CARF: variants seen among roughly 807,000 people sequenced by gnomAD.
CARF encodes calcium responsive transcription factor.
A neutral mutation model predicts 82.0 loss-of-function variants in CARF; 57 were observed. That is an observed-to-expected ratio of 0.70 (90% CI 0.56 to 0.87). The LOEUF (loss-of-function observed/expected upper bound fraction) is 0.87. Among genes scored for constraint, CARF ranks in the 40% least tolerant of loss-of-function variants. The pLI, the probability that CARF is intolerant of heterozygous loss-of-function variation, is 0.00. For missense variants in CARF, 771 were observed against 855.8 expected (o/e 0.90, Z 1.24); for synonymous variants, 268 against 290.1 (o/e 0.92, Z 0.77).
intron 2 of CARF, among the ~76,000 whole-genome samples, chr2:202,919,587 T>C (rs1690400129): frequency 6.6e-6 from 1 of 152,206 alleles, no homozygotes; most frequent in South Asian, 2.1e-4. Context: ...TTTTGTATGT[T>C]ACGGTACTGC....
chr2:202,926,571 T>G (rs746975025), intron 3 of CARF, among the ~76,000 whole-genome samples: 1 of 152,222 alleles, frequency 6.6e-6, no homozygotes, highest in African/African-American at 2.4e-5. Context: ...CCAAAGTTGT[T>G]TTGGCTGTTC....
intron 8 of CARF, among the ~76,000 whole-genome samples, chr2:202,957,980 G>A (rs190519315): frequency 4.6e-5 from 7 of 152,016 alleles, no homozygotes; most frequent in Admixed American, 2.6e-4. Context: ...ATTTACTAGC[G>A]TGGGTTGTTC....
At chr2:202,963,436 A>G (rs2059408057) in intron 9 of CARF, among the ~76,000 whole-genome samples, 1 of 152,138 alleles carries the variant, frequency 6.6e-6, no homozygotes, top group South Asian at 2.1e-4. Context: ...TGGTAACATT[A>G]TGGAATACTC....
In CARF at chr2:202,974,414, A is replaced by T; in HGVS notation, c.1412A>T (p.Asp471Val). 1 of 1,611,618 alleles carries T rather than the reference A, an allele frequency of 6.2e-7. No individual in the cohort carries two copies. The highest frequency in any genetic ancestry group is 8.5e-7 in the Non-Finnish European group (1 of 1,179,238). ...HNLSFFPTVN[D>V]IKNHIHEVQK... ...TTATCTTTTTTTCCAACTGTAAATGATATAAAAAATCACATCCATGAGGTA... is the reference window on the plus strand; with the variant it reads ...TTATCTTTTTTTCCAACTGTAAATGTTATAAAAAATCACATCCATGAGGTA... Residue 471 changes from aspartate to valine, a missense_variant, in exon 13 of 17, where the codon GAT becomes GTT. By Grantham distance (152) the Asp-to-Val change is radical. Transcript: ENST00000438828.
intron 10 of CARF, among the ~76,000 whole-genome samples, chr2:202,968,246 C>T (rs552063080): frequency 6.6e-6 from 1 of 151,958 alleles, no homozygotes; most frequent in East Asian, 1.9e-4. Context: ...ACTAAAAATA[C>T]AAAAAATTAG....
chr2:202,974,307 C>G, intron 12 of CARF, 27 bp from the exon 13 acceptor site: 1 of 1,541,420 alleles, frequency 6.5e-7, no homozygotes, highest in Non-Finnish European at 8.7e-7. Flanking sequence ...TGGTTTATGT[C>G]TTTATTCCAT....
chr2:202,941,936 C>T lies in CARF; in HGVS notation c.34C>T (p.His12Tyr), dbSNP rs577882043. The T allele has an allele frequency of 6.2e-7, 1 of 1,613,302 alleles. No homozygotes were observed. The highest frequency in any genetic ancestry group is 8.5e-7 in the Non-Finnish European group (1 of 1,179,654). Residue 12 changes from histidine (H) to tyrosine (Y), a missense_variant, in exon 4 of 17, where the codon CAT (histidine) becomes TAT (tyrosine). Coordinates refer to ENST00000438828, the MANE Select transcript of CARF (RefSeq NM_024744.17). Reference sequence around the variant, plus strand: ...ATCTAATGATTCATTAAGAGTCAACCATAATGACGGTGAAGAGTCAAAAAC... The same window carrying T: ...ATCTAATGATTCATTAAGAGTCAACTATAATGACGGTGAAGAGTCAAAAAC... ...EQSNDSLRVN[H>Y]NDGEESKTSA...
At chr2:202,964,883 G>GTGTA (rs372793121) in intron 9 of CARF, among the ~76,000 whole-genome samples, 67 of 144,950 alleles carry the variant, frequency 4.6e-4, no homozygotes, top group East Asian at 8.0e-4. Flanking sequence ...ACATATATGT[G>GTGTA]TATATATATA....
At chr2:202,972,726 C>A (rs923685143) in intron 12 of CARF, among the ~76,000 whole-genome samples, 1 of 147,004 alleles carries the variant, frequency 6.8e-6, no homozygotes, top group Non-Finnish European at 1.5e-5. Context: ...TTAGGCCTAA[C>A]GCTATATAGC....
At chr2:202,917,820 ATAAT>A (rs1690022831) in intron 1 of CARF, 53 bp from the exon 2 acceptor site, 1 of 213,584 alleles carries the variant, frequency 4.7e-6, no homozygotes, top group Admixed American at 5.9e-5. Flanking sequence ...ACAAAAAGTA[ATAAT>A]TATCTTTATG....
intron 8 of CARF, among the ~76,000 whole-genome samples, chr2:202,960,078 G>A (rs2059238170): frequency 6.6e-6 from 1 of 152,164 alleles, no homozygotes; most frequent in South Asian, 2.1e-4. Flanking sequence ...GTGTGTGTGT[G>A]CATGTATACA....
At chr2:202,932,832 G>T (rs1693186558) in intron 3 of CARF, among the ~76,000 whole-genome samples, 1 of 152,066 alleles carries the variant, frequency 6.6e-6, no homozygotes, top group African/African-American at 2.4e-5. Context: ...AGATAAGTTT[G>T]GTCTGTAGGG....
At position 202,942,732 on chromosome 2, in the gene CARF, T is replaced by C. The variant is rs767296805; in HGVS notation, c.79-8T>C. 79 of 1,563,906 alleles carry C rather than the reference T, an allele frequency of 5.1e-5. No individual in the cohort carries two copies. The highest frequency in any genetic ancestry group is 6.4e-5 in the Non-Finnish European group (74 of 1,156,282). ...AGACTGAAGTGATTTTTTTTTTCCT[T>C]ACAAAAGCATCTAATCTGTATGGAC... is the stretch of plus-strand genomic sequence containing the variant. On this transcript the variant is annotated splice_region_variant and splice_polypyrimidine_tract_variant and intron_variant, in intron 4 of 16. Coordinates refer to ENST00000438828, the MANE Select transcript of CARF (RefSeq NM_024744.17).
chr2:202,959,575 T>A (rs1358595765), intron 8 of CARF, among the ~76,000 whole-genome samples: 2 of 152,178 alleles, frequency 1.3e-5, no homozygotes, highest in Non-Finnish European at 2.9e-5. Flanking sequence ...TCCCATCACT[T>A]TGGGAGGCTG....
At chr2:202,945,297 T>A (rs370327373) in intron 5 of CARF, among the ~76,000 whole-genome samples, 30 of 152,094 alleles carry the variant, frequency 2.0e-4, no homozygotes, top group African/African-American at 7.2e-4. Flanking sequence ...ATTTGGTGTT[T>A]TTTTGTTTTA....
chr2:202,916,452 A>T (rs1204884739), intron 1 of CARF, among the ~76,000 whole-genome samples: 2 of 152,178 alleles, frequency 1.3e-5, no homozygotes, highest in Non-Finnish European at 2.9e-5. Flanking sequence ...AAGTGCTGGG[A>T]TTACAGGTGT....
In CARF at chr2:202,955,600, G is replaced by A. The variant is rs2058998252; in HGVS notation, c.558-74G>A. On this transcript the variant is annotated intron_variant, in intron 7 of 16. Coordinates refer to ENST00000438828, the MANE Select transcript of CARF (RefSeq NM_024744.17). ...CTTCAATATTTGTCTTTGATACTAAGAGGATAAAGCAGTTGAATGCATTTT... is the reference window on the plus strand; with the variant it reads ...CTTCAATATTTGTCTTTGATACTAAAAGGATAAAGCAGTTGAATGCATTTT... 2.9e-6 allele frequency: 3 copies of A among 1,018,584 alleles called. No individual in the cohort carries two copies. The Admixed American group carries it at 7.6e-5, about 26-fold the overall frequency. The allele number at this position is 1,018,584 out of a possible 1,614,324, so 63.1% of individuals were successfully genotyped here.
chr2:202,916,681 CTG>C (rs2105933771), intron 1 of CARF, among the ~76,000 whole-genome samples: 1 of 152,260 alleles, frequency 6.6e-6, no homozygotes, highest in South Asian at 2.1e-4. Context: ...ACACAGAAGT[CTG>C]TGAAGGATAC....
chr2:202,925,135 G>T, intron 3 of CARF: 1 of 360,482 alleles, frequency 2.8e-6, no homozygotes, highest in South Asian at 2.4e-5. Flanking sequence ...GGCAGAACTT[G>T]GCAACATGGA....
Sources: allele counts gnomAD v4.1 joint callset (sites outside exome capture counted in the v4.1 genomes callset), GRCh38; gene constraint gnomAD v4.1.1; transcripts MANE v1.5; gene names NCBI Gene and HGNC (gene_info 2026-07-23, HGNC 2026-07-21).